KRT38: variants seen among roughly 807,000 people sequenced by gnomAD.
KRT38 encodes keratin 38, also known as keratin, type I cuticular Ha8.
In KRT38, 45 loss-of-function variants were observed where a neutral mutation model predicts 43.1. That is an observed-to-expected ratio of 1.04 (90% CI 0.82 to 1.34). KRT38 has a LOEUF of 1.34. KRT38 is among the 40% of genes most tolerant of loss of function. The pLI, the probability that KRT38 is intolerant of heterozygous loss-of-function variation, is 0.00. For synonymous variants in KRT38, 258 were observed against 244.0 expected, an observed-to-expected ratio of 1.06 and a Z score of -0.53; for missense variants, 627 against 586.2, an observed-to-expected ratio of 1.07 and a Z score of -0.72.
chr17:41,440,104 G>A, intron 2 of KRT38, 57 bp downstream of exon 2: 4 of 1,327,630 alleles, frequency 3.0e-6, no homozygotes, highest in Non-Finnish European at 4.3e-6. Context: ...CAAGTATTTG[G>A]GCATTGGGAT....
intron 5 of KRT38, 78 bp from the exon 6 acceptor site, chr17:41,438,391 A>T: frequency 1.9e-6 from 3 of 1,605,828 alleles, no homozygotes; most frequent in Non-Finnish European, 2.6e-6. Context: ...TGATGGTGAT[A>T]ACAGGTGGGA....
chr17:41,438,327 T>C lies in KRT38; in HGVS notation c.1021-14A>G. On this transcript the variant is annotated splice_polypyrimidine_tract_variant and intron_variant, in intron 5 of 6. Coordinates refer to ENST00000246646, the MANE Select transcript of KRT38 (RefSeq NM_006771.4). ...CAGACAGTCCTTCTGTAGTGGGAAA[T>C]AAGGGGATAAAATATACAAGGCCCC... 6.2e-7 allele frequency: 1 copy of C among 1,611,458 alleles called. No individual in the cohort carries two copies. Among genetic ancestry groups the C allele is most frequent in the Non-Finnish European group, 8.5e-7 (1 of 1,178,068 alleles).
In KRT38 at chr17:41,437,234, G is replaced by A; in HGVS notation, c.*178C>T. 3.2e-6 allele frequency: 2 copies of A among 625,440 alleles called. No homozygotes were observed. The highest frequency in any genetic ancestry group is 2.4e-6 in the Non-Finnish European group (1 of 422,990). 38.7% of individuals were successfully genotyped at this position (625,440 alleles called of 1,614,324 possible). A position where few individuals can be genotyped will look rare whatever the true frequency, so the allele number is the denominator to read the frequency against. On this transcript the variant is annotated 3_prime_UTR_variant, in exon 7 of 7. Coordinates refer to ENST00000246646, the MANE Select transcript of KRT38 (RefSeq NM_006771.4). ...CACTGAGGGCATAGAGCTCACCTGG[G>A]AAAACCAAGAGCAGGAAAGGAAGGA...
chr17:41,438,242 G>T lies in KRT38; in HGVS notation c.1092C>A (p.Ser364Arg). The T allele has an allele frequency of 6.2e-7, 1 of 1,614,192 alleles. No individual in the cohort carries two copies. Among genetic ancestry groups the T allele is most frequent in the African/African-American group, 1.3e-5 (1 of 75,040 alleles). ...RFGTELAQMQ[S>R]LISNVEEQLS... Reference sequence around the variant, plus strand: ...GCTGCTCCTCCACGTTGCTGATGAGGCTCTGCATCTGGGCCAGCTCCGTGC... The same window carrying T: ...GCTGCTCCTCCACGTTGCTGATGAGTCTCTGCATCTGGGCCAGCTCCGTGC... The change falls in exon 6 of 7, where the codon AGC becomes AGA. Residue 364 changes from serine to arginine, a missense_variant. Coordinates refer to ENST00000246646, the MANE Select transcript of KRT38 (RefSeq NM_006771.4).
chr17:41,440,346 A>G, intron 1 of KRT38, 84 bp downstream of exon 1: 1 of 1,597,024 alleles, frequency 6.3e-7, no homozygotes, highest in African/African-American at 1.3e-5. Context: ...CAAGAACCCA[A>G]AGTTCTCTGA....
chr17:41,439,269 G>C lies in KRT38; in HGVS notation c.666C>G (p.Ala222=). The change falls in exon 3 of 7, where the codon GCC becomes GCG. Residue 222 remains alanine, a synonymous_variant. Coordinates refer to ENST00000246646, the MANE Select transcript of KRT38 (RefSeq NM_006771.4). The part of the protein sequence containing the change: ...KLLDDATLAK[A]DLEAQQESLK... ...GGGACTCCTGCTGGGCCTCCAGGTC[G>C]GCCTTGGCCAGGGTCGCATCATCCA... is the stretch of plus-strand genomic sequence containing the variant. 6.2e-7 allele frequency: 1 copy of C among 1,614,202 alleles called. No homozygotes were observed. The highest frequency in any genetic ancestry group is 8.5e-7 in the Non-Finnish European group (1 of 1,180,038).
At chr17:41,437,993 G>C (rs1321916679) in intron 6 of KRT38, 100 bp downstream of exon 6, 23 of 1,162,852 alleles carry the variant, frequency 2.0e-5, no homozygotes, top group Non-Finnish European at 2.8e-5. Context: ...GGAGTGCACA[G>C]AGAGCCTCAT....
In KRT38 at chr17:41,438,581, G is replaced by C; in HGVS notation, c.930C>G (p.Ser310=). The C allele has an allele frequency of 6.2e-7, 1 of 1,614,050 alleles. No individual in the cohort carries two copies. Among genetic ancestry groups the C allele is most frequent in the Non-Finnish European group, 8.5e-7 (1 of 1,180,004 alleles). Residue 310 remains serine, a synonymous_variant, in exon 5 of 7, where the codon TCC becomes TCG. Coordinates refer to ENST00000246646, the MANE Select transcript of KRT38 (RefSeq NM_006771.4). Reference sequence around the variant, plus strand: ...CCGACTGGCAGCACTGCAGCTCCTCGGAGCAGGACATGTCCTGCAGGCTGA... The same window carrying C: ...CCGACTGGCAGCACTGCAGCTCCTCCGAGCAGGACATGTCCTGCAGGCTGA... ...EGISLQDMSC[S]EELQCCQSEI...
chr17:41,440,398 A>G (rs1404096980), intron 1 of KRT38, 32 bp downstream of exon 1: 2 of 1,606,464 alleles, frequency 1.2e-6, no homozygotes, highest in East Asian at 4.5e-5. Flanking sequence ...GCCATCTCAG[A>G]CCCAGCACAC....
Position 41,440,583 on chromosome 17 carries a change from G to A in KRT38, c.339C>T (p.Asp113=), listed in dbSNP as rs1192134137. 3 of 1,614,228 alleles carry A rather than the reference G, an allele frequency of 1.9e-6. No homozygotes were observed. In the South Asian group the frequency reaches 3.3e-5, roughly 18 times the overall value. The part of the protein sequence containing the change: ...HEKETMQFLN[D]RLANYLEKVR... ...CCTTCTCCAGGTAGTTGGCCAGGCG[G>A]TCATTCAGGAACTGCATGGTCTCCT... is the stretch of plus-strand genomic sequence containing the variant. The change falls in exon 1 of 7, where the codon GAC becomes GAT. Residue 113 remains aspartate (D), a synonymous_variant. Transcript: ENST00000246646.
rs756975252 is a variant in KRT38, at chr17:41,440,121, T to G, written c.575+40A>C. On this transcript the variant is annotated intron_variant, in intron 2 of 6. Coordinates refer to ENST00000246646, the MANE Select transcript of KRT38 (RefSeq NM_006771.4). The stretch of plus-strand genomic sequence containing the variant: ...AGTATTTGGGCATTGGGATGGAGGG[T>G]GGGGAAGGAGTCACCCTGGCCCTCC... 3.3e-6 allele frequency: 5 copies of G among 1,503,708 alleles called. No individual in the cohort carries two copies. In the East Asian group the frequency reaches 1.1e-4, roughly 34 times the overall value. The allele number at this position is 1,503,708 out of a possible 1,614,324, so 93.1% of individuals were successfully genotyped here. A position where few individuals can be genotyped will look rare whatever the true frequency, so the allele number is the denominator to read the frequency against.
chr17:41,438,301 G>A lies in KRT38; in HGVS notation c.1033C>T (p.Gln345Ter), dbSNP rs1464551471. ...QAQHTLKDCL[Q>*]NSLCEAEDRF... ...TCCTCGGCTTCACACAGGGAGTTCT[G>A]CAGACAGTCCTTCTGTAGTGGGAAA... is the stretch of plus-strand genomic sequence containing the variant. Residue 345 changes from glutamine (Q) to a stop codon, truncating the protein, a stop_gained, in exon 6 of 7, where the codon CAG (glutamine) becomes TAG (stop). Transcript: ENST00000246646. LOFTEE classifies it high-confidence loss of function. The A allele has an allele frequency of 6.2e-7, 1 of 1,614,076 alleles. No homozygotes were observed. Among genetic ancestry groups the A allele is most frequent in the South Asian group, 1.1e-5 (1 of 91,084 alleles).
Position 41,438,766 on chromosome 17 carries a change from C to T in KRT38, c.825G>A (p.Glu275=). 3 of 1,614,156 alleles carry T rather than the reference C, an allele frequency of 1.9e-6. No homozygotes were observed. Among genetic ancestry groups the T allele is most frequent in the Non-Finnish European group, 2.5e-6 (3 of 1,180,010 alleles). Reference sequence around the variant, plus strand: ...ACATGGCCTCATACTGAGCCCGCATCTCCCCCAGCACCCTGTTCAGGTCAA... The same window carrying T: ...ACATGGCCTCATACTGAGCCCGCATTTCCCCCAGCACCCTGTTCAGGTCAA... ...PTIDLNRVLG[E]MRAQYEAMLE... is the part of the protein sequence containing the mutation. Residue 275 remains glutamate, a synonymous_variant, in exon 4 of 7, where the codon GAG becomes GAA. Transcript: ENST00000246646.
Position 41,438,686 on chromosome 17 carries a change from C to T in KRT38, c.894+11G>A. ...CCAGGTACCCCCTGGTTCTATACCCCCCCCACTCACCTGGGCTTGGAACCA... is the reference window on the plus strand; with the variant it reads ...CCAGGTACCCCCTGGTTCTATACCCTCCCCACTCACCTGGGCTTGGAACCA... On this transcript the variant is annotated intron_variant, in intron 4 of 6. Transcript: ENST00000246646. 4 of 1,613,606 alleles carry T rather than the reference C, an allele frequency of 2.5e-6. No homozygotes were observed. Among genetic ancestry groups the T allele is most frequent in the South Asian group, 1.1e-5 (1 of 91,060 alleles).
In KRT38 at chr17:41,437,452, C is replaced by T; in HGVS notation, c.1331G>A (p.Gly444Glu). 1.3e-6 allele frequency: 2 copies of T among 1,563,652 alleles called. No homozygotes were observed. Among genetic ancestry groups the T allele is most frequent in the East Asian group, 2.5e-5 (1 of 40,016 alleles). Residue 444 changes from glycine (G) to glutamate (E), a missense_variant, in exon 7 of 7, where the codon GGG becomes GAG. Coordinates refer to ENST00000246646, the MANE Select transcript of KRT38 (RefSeq NM_006771.4). ...RPSCGPCTTC[G>E]PTCGASTTGS... ...GGTGGTGCTGGCTCCACAGGTGGGC[C>T]CACAGGTGGTGCAGGGGCCACAGCT...
rs907588599 is a variant in KRT38 at position 41,436,459 on chromosome 17, A to AG, written c.*952dup. On this transcript the variant is annotated 3_prime_UTR_variant, in exon 7 of 7. Coordinates refer to ENST00000246646, the MANE Select transcript of KRT38 (RefSeq NM_006771.4). ...GAAGGAAGAGCAGGGACAGGTCTCC[A>AG]GGCATGTCCAAGGAACAGAAAGGCC... The AG allele has an allele frequency of 2.0e-5, 3 of 152,268 alleles. No individual in the cohort carries two copies. Among genetic ancestry groups the AG allele is most frequent in the Non-Finnish European group, 2.9e-5 (2 of 68,098 alleles). The allele number at this position is 152,268 out of a possible 1,614,324, so 9.4% of individuals were successfully genotyped here. A position where few individuals can be genotyped will look rare whatever the true frequency, so the allele number is the denominator to read the frequency against.
chr17:41,437,385 A>C lies in KRT38; in HGVS notation c.*27T>G. On this transcript the variant is annotated 3_prime_UTR_variant, in exon 7 of 7. Coordinates refer to ENST00000246646, the MANE Select transcript of KRT38 (RefSeq NM_006771.4). ...TCTCTCTTTGGGTATCCCTCGCCTT[A>C]GCCAGCCCCTGTGGGTCCACAGGAA... 6.6e-7 allele frequency: 1 copy of C among 1,520,166 alleles called. No homozygotes were observed. The highest frequency in any genetic ancestry group is 8.8e-7 in the Non-Finnish European group (1 of 1,140,592). The allele number at this position is 1,520,166 out of a possible 1,614,324, so 94.2% of individuals were successfully genotyped here.
At position 41,440,480 on chromosome 17, in the gene KRT38, A is replaced by G; in HGVS notation, c.442T>C (p.Cys148Arg). The G allele has an allele frequency of 1.9e-6, 3 of 1,614,218 alleles. No homozygotes were observed. Among genetic ancestry groups the G allele is most frequent in the Non-Finnish European group, 1.7e-6 (2 of 1,180,034 alleles). The change falls in exon 1 of 7, where the codon TGC (cysteine) becomes CGC (arginine). Residue 148 changes from cysteine (C) to arginine (R), a missense_variant. By Grantham distance (180) the Cys-to-Arg change is radical. Coordinates refer to ENST00000246646, the MANE Select transcript of KRT38 (RefSeq NM_006771.4). ...TGGAAGTAAGACTGGTAGTCGGGGC[A>G]CACGGTGGACTCGTGGCACTTGCTC... ...ERSKCHESTVCPDYQSYFHTI... is the reference protein window; with the variant it reads ...ERSKCHESTVRPDYQSYFHTI...
In KRT38 at chr17:41,437,438, C is replaced by A; in HGVS notation, c.1345G>T (p.Ala449Ser). 6.4e-7 allele frequency: 1 copy of A among 1,569,682 alleles called. No individual in the cohort carries two copies. The highest frequency in any genetic ancestry group is 8.6e-7 in the Non-Finnish European group (1 of 1,162,800). Residue 449 changes from alanine (A) to serine (S), a missense_variant, in exon 7 of 7, where the codon GCC (alanine) becomes TCC (serine). Physicochemically the swap from Ala to Ser is moderately conservative, Grantham distance 99 (BLOSUM62 1). Transcript: ENST00000246646. ...PCTTCGPTCG[A>S]STTGSRF Reference sequence around the variant, plus strand: ...CAGAATCGGCTTCCGGTGGTGCTGGCTCCACAGGTGGGCCCACAGGTGGTG... The same window carrying A: ...CAGAATCGGCTTCCGGTGGTGCTGGATCCACAGGTGGGCCCACAGGTGGTG...
Sources: allele counts gnomAD v4.1 joint callset, GRCh38; gene constraint gnomAD v4.1.1; transcripts MANE v1.5; gene names NCBI Gene and HGNC (gene_info 2026-07-23, HGNC 2026-07-21).